Variants in FSTL5 observed in about 807,000 individuals in gnomAD.
FSTL5 encodes the protein follistatin-related protein 5.
Under a neutral mutation model 89.1 loss-of-function variants are expected in FSTL5, and 62 were observed. The ratio of observed to expected loss-of-function variants is 0.70; its 90% CI spans 0.57 to 0.86. The LOEUF (loss-of-function observed/expected upper bound fraction) is 0.86. Ranked by LOEUF, FSTL5 falls within the 40% of genes least tolerant of loss-of-function variation. FSTL5 has a pLI of 0.00. For synonymous variants in FSTL5, 383 were observed against 346.2 expected, an observed-to-expected ratio of 1.11 and a Z score of -1.18; for missense variants, 1,057 against 1,001.6, an observed-to-expected ratio of 1.06 and a Z score of -0.75.
chr4:161,701,065 C>T (rs1467578535), intron 6 of FSTL5, among the ~76,000 whole-genome samples: 1 of 152,152 alleles, frequency 6.6e-6, no homozygotes, highest in Admixed American at 6.5e-5. Flanking sequence ...AGCTTTTATT[C>T]TTTTTGTCTC....
chr4:161,873,460 A>G (rs1052426871), intron 4 of FSTL5, among the ~76,000 whole-genome samples: 1 of 151,736 alleles, frequency 6.6e-6, no homozygotes, highest in South Asian at 2.1e-4. Context: ...ATTTTGTTAC[A>G]ATAATAAAAT....
intron 15 of FSTL5, among the ~76,000 whole-genome samples, chr4:161,388,702 T>C (rs1455020070): frequency 6.6e-6 from 1 of 152,072 alleles, no homozygotes; most frequent in Non-Finnish European, 1.5e-5. Context: ...GGAAAAGCAG[T>C]ACTAGGCTCA....
At chr4:161,914,991 A>T (rs1733798665) in intron 4 of FSTL5, among the ~76,000 whole-genome samples, 1 of 152,196 alleles carries the variant, frequency 6.6e-6, no homozygotes, top group Admixed American at 6.5e-5. Flanking sequence ...ATTAAGAAAC[A>T]TAGGCAAGTG....
chr4:161,543,485 T>C (rs1731902974), intron 8 of FSTL5, among the ~76,000 whole-genome samples: 1 of 151,540 alleles, frequency 6.6e-6, no homozygotes, highest in Admixed American at 6.6e-5. Flanking sequence ...TATCCTCAGA[T>C]AAATGTGAAA....
At chr4:162,005,431 A>C (rs975157783) in intron 3 of FSTL5, among the ~76,000 whole-genome samples, 1 of 152,012 alleles carries the variant, frequency 6.6e-6, no homozygotes, top group East Asian at 1.9e-4. Context: ...ATATTATTGC[A>C]TTATTTTATG....
rs114591822 is a variant in FSTL5 at position 162,076,140 on chromosome 4, C to T, written c.126+35131G>A. Among the ~76,000 whole-genome samples the T allele has an allele frequency of 3.0e-3, 460 of 151,922 alleles. 4 individuals carry two copies. Among genetic ancestry groups the T allele is most frequent in the African/African-American group, 0.011 (446 of 41,488 alleles). ...CTTGAATACTGGTATCCAATGCTTA[C>T]AAAATCTTTGAGGTGGCTAAAGGAG... On this transcript the variant is annotated intron_variant, in intron 2 of 15. Transcript: ENST00000306100.
Position 161,924,945 on chromosome 4 carries a change from T to C in FSTL5, c.161-4293A>G, listed in dbSNP as rs138243753. 4.1e-4 allele frequency among the ~76,000 whole-genome samples: 63 copies of C among 152,030 alleles called. 1 individual carries two copies. The East Asian group carries it at 0.01, about 24-fold the overall frequency. ...ATGTAAGTATTATGTTCACAATTATTGGTTAAAAAGAACAACAGATTTTGG... is the reference window on the plus strand; with the variant it reads ...ATGTAAGTATTATGTTCACAATTATCGGTTAAAAAGAACAACAGATTTTGG... On this transcript the variant is annotated intron_variant, in intron 3 of 15. Transcript: ENST00000306100.
At chr4:162,080,442 A>G (rs1344149792) in intron 2 of FSTL5, among the ~76,000 whole-genome samples, 1 of 151,616 alleles carries the variant, frequency 6.6e-6, no homozygotes, top group Admixed American at 6.6e-5. Context: ...ACAAAGAGAA[A>G]GAAAGAATGA....
chr4:161,434,794 GACAT>G (rs1239697513), intron 15 of FSTL5, among the ~76,000 whole-genome samples: 3 of 152,010 alleles, frequency 2.0e-5, no homozygotes, highest in African/African-American at 7.2e-5. Context: ...CTCAAAAGAA[GACAT>G]ACAAATGGCA....
chr4:161,792,286 G>A (rs1323096382), intron 4 of FSTL5, among the ~76,000 whole-genome samples: 1 of 152,166 alleles, frequency 6.6e-6, no homozygotes. Context: ...CAGGGGAAGA[G>A]GCTGGGAGGG....
At chr4:161,568,290 G>A (rs949720115) in intron 8 of FSTL5, among the ~76,000 whole-genome samples, 3 of 152,058 alleles carry the variant, frequency 2.0e-5, no homozygotes. Flanking sequence ...TCCTATATGT[G>A]CAACATCTGA....
At chr4:161,744,094 T>C (rs954312295) in intron 6 of FSTL5, among the ~76,000 whole-genome samples, 1 of 152,116 alleles carries the variant, frequency 6.6e-6, no homozygotes, top group South Asian at 2.1e-4. Context: ...TGTTTTTTTT[T>C]AAATCATCCT....
intron 4 of FSTL5, among the ~76,000 whole-genome samples, chr4:161,777,921 C>T (rs558725643): frequency 2.0e-5 from 3 of 152,198 alleles, no homozygotes; most frequent in African/African-American, 7.2e-5. Flanking sequence ...TGGTGAAACC[C>T]TGTCTCTACT....
intron 3 of FSTL5, among the ~76,000 whole-genome samples, chr4:162,015,826 A>C (rs1736901628): frequency 6.6e-6 from 1 of 152,152 alleles, no homozygotes; most frequent in African/African-American, 2.4e-5. Flanking sequence ...AGCTTTTCCA[A>C]AGTCTCTGGT....
rs139468486 is a variant in FSTL5, at chr4:162,137,136, A to G, written c.-16-25724T>C. Among the ~76,000 whole-genome samples the G allele has an allele frequency of 3.3e-3, 495 of 152,230 alleles. 2 individuals carry two copies. Among genetic ancestry groups the G allele is most frequent in the Middle Eastern group, 6.8e-3 (2 of 294 alleles). On this transcript the variant is annotated intron_variant, in intron 1 of 15. Transcript: ENST00000306100. ...TCAGCTATTTTCCTACCTTGGCTAT[A>G]AATCAATAGTCATCATCATAATTCT...
At chr4:161,861,426 A>AAG (rs534971627) in intron 4 of FSTL5, among the ~76,000 whole-genome samples, 7 of 151,852 alleles carry the variant, frequency 4.6e-5, no homozygotes, top group Middle Eastern at 6.8e-3. Flanking sequence ...CAAAGAAAGA[A>AAG]AGAGAGAGAG....
At chr4:161,957,949 C>T (rs938485237) in intron 3 of FSTL5, among the ~76,000 whole-genome samples, 56 of 152,164 alleles carry the variant, frequency 3.7e-4, no homozygotes, top group African/African-American at 1.3e-3. Context: ...TCCACCTTAA[C>T]TTCAATTTCC....
chr4:161,724,102 T>C (rs1179653915), intron 6 of FSTL5, among the ~76,000 whole-genome samples: 1 of 152,088 alleles, frequency 6.6e-6, no homozygotes, highest in African/African-American at 2.4e-5. Flanking sequence ...TTAAAAACTG[T>C]ATGCAAGGCA....
At chr4:161,918,679 C>T (rs1413672686) in intron 4 of FSTL5, among the ~76,000 whole-genome samples, 1 of 151,706 alleles carries the variant, frequency 6.6e-6, no homozygotes, top group Non-Finnish European at 1.5e-5. Context: ...GGGTCTCGCT[C>T]TGTTGCCTAG....
Sources: gnomAD v4.1 joint callset for allele counts (sites outside exome capture counted in the v4.1 genomes callset) on GRCh38, gnomAD v4.1.1 for gene constraint, MANE v1.5 for transcripts, NCBI Gene and HGNC (gene_info 2026-07-23, HGNC 2026-07-21) for gene names.